The following ANKRD22 variants were observed in gnomAD, a reference collection of about 807,000 sequenced individuals.
ANKRD22 encodes the protein ankyrin repeat domain 22.
ANKRD22 carries 24 observed loss-of-function variants against 25.7 expected under a neutral mutation model. That is an observed-to-expected ratio of 0.93 (90% CI 0.68 to 1.31). The LOEUF (loss-of-function observed/expected upper bound fraction) is 1.31. Ranked by LOEUF, ANKRD22 falls within the 50% of genes most tolerant of loss-of-function variation. The pLI, the probability that ANKRD22 is intolerant of heterozygous loss-of-function variation, is 0.00. For missense variants in ANKRD22, 214 were observed against 227.1 expected, an observed-to-expected ratio of 0.94 and a Z score of 0.37; for synonymous variants, 84 against 84.3, an observed-to-expected ratio of 1.00 and a Z score of 0.02.
Position 88,851,691 on chromosome 10 carries a change from G to A in ANKRD22, c.-84C>T, listed in dbSNP as rs998736622. 6 of 1,546,800 alleles carry A rather than the reference G, an allele frequency of 3.9e-6. No individual in the cohort carries two copies. The African/African-American group carries it at 6.8e-5, about 18-fold the overall frequency. On this transcript the variant is annotated 5_prime_UTR_variant, in exon 1 of 6. Transcript: ENST00000371930. ...TCTGATGAATATCAAAATCCTTCCT[G>A]GCTGAGAGGAAAGTCCCTAGAAGTC...
intron 4 of ANKRD22, 107 bp downstream of exon 4, chr10:88,825,931 A>C: frequency 1.1e-6 from 1 of 941,782 alleles, no homozygotes; most frequent in Non-Finnish European, 1.6e-6. Flanking sequence ...AAGAAAACTA[A>C]ATGTAAAATT....
Position 88,849,432 on chromosome 10 carries a change from C to A in ANKRD22, c.21+2155G>T, listed in dbSNP as rs540444508. Among the ~76,000 whole-genome samples, 14 of 152,186 alleles carry A rather than the reference C, an allele frequency of 9.2e-5. No homozygotes were observed. The South Asian group carries it at 2.9e-3, about 32-fold the overall frequency. On this transcript the variant is annotated intron_variant, in intron 1 of 5. Coordinates refer to ENST00000371930, the MANE Select transcript of ANKRD22 (RefSeq NM_144590.3). ...GAGCATGACATATCTGTTGAAATAACAAGTAGTAGAAAAATTTAGTAGTTC... is the reference window on the plus strand; with the variant it reads ...GAGCATGACATATCTGTTGAAATAAAAAGTAGTAGAAAAATTTAGTAGTTC...
intron 3 of ANKRD22, 33 bp downstream of exon 3, chr10:88,828,526 A>G (rs1382352167): frequency 4.8e-6 from 7 of 1,473,148 alleles, no homozygotes; most frequent in Non-Finnish European, 6.6e-6. Context: ...CGATCTCCAC[A>G]TTTGCCCTTT....
At chr10:88,847,002 G>C (rs772427749) in intron 1 of ANKRD22, among the ~76,000 whole-genome samples, 8 of 152,014 alleles carry the variant, frequency 5.3e-5, no homozygotes, top group Admixed American at 5.3e-4. Context: ...AAAGAACTAC[G>C]CATATTCGCA....
At chr10:88,841,891 C>G (rs989831198) in intron 1 of ANKRD22, among the ~76,000 whole-genome samples, 8 of 152,112 alleles carry the variant, frequency 5.3e-5, no homozygotes, top group Non-Finnish European at 5.9e-5. Context: ...CTTGCATTCC[C>G]TCCAAAAAGC....
At chr10:88,823,479 C>T in intron 4 of ANKRD22, 101 bp from the exon 5 acceptor site, 1 of 858,138 alleles carries the variant, frequency 1.2e-6, no homozygotes, top group Non-Finnish European at 1.9e-6. Context: ...TTGTAGTATA[C>T]AACTAAGCAG....
intron 1 of ANKRD22, among the ~76,000 whole-genome samples, chr10:88,838,893 C>A (rs59486418): frequency 0.032 from 4,856 of 152,070 alleles, 265 homozygotes; most frequent in African/African-American, 0.11. Flanking sequence ...GACTAGTAGG[C>A]GAGGAGGAGA....
intron 2 of ANKRD22, among the ~76,000 whole-genome samples, chr10:88,830,523 A>G (rs1843893897): frequency 6.6e-6 from 1 of 152,262 alleles, no homozygotes; most frequent in South Asian, 2.1e-4. Context: ...ATTAATGTAC[A>G]AATATTAATA....
In ANKRD22 at chr10:88,828,237, GA is replaced by G. The variant is rs558794249; in HGVS notation, c.321+321del. The stretch of plus-strand genomic sequence containing the variant: ...ACAAACTCCTCTTTTAAAAAAAGGA[GA>G]AAAAAATATTAGAAGGGGTGTTTTT... On this transcript the variant is annotated intron_variant, in intron 3 of 5. Transcript: ENST00000371930. Among the ~76,000 whole-genome samples the G allele has an allele frequency of 6.1e-3, 922 of 152,096 alleles. 7 individuals are homozygous for G. The highest frequency in any genetic ancestry group is 0.021 in the African/African-American group (860 of 41,530).
At chr10:88,845,459 C>T (rs1417639058) in intron 1 of ANKRD22, among the ~76,000 whole-genome samples, 2 of 152,080 alleles carry the variant, frequency 1.3e-5, no homozygotes, top group African/African-American at 4.8e-5. Flanking sequence ...TTCCTGTATT[C>T]ATCTTCCATC....
intron 4 of ANKRD22, 152 bp downstream of exon 4, chr10:88,825,886 G>T (rs113497147): frequency 4.9e-6 from 3 of 611,142 alleles, no homozygotes; most frequent in Non-Finnish European, 8.3e-6. Flanking sequence ...TAACCTCAAG[G>T]TTGCCTGTCA....
In ANKRD22 at chr10:88,851,626, T is replaced by TACTTCACC. The variant is rs771970849; in HGVS notation, c.-27_-20dup. 2 of 1,613,194 alleles carry TACTTCACC rather than the reference T, an allele frequency of 1.2e-6. No individual in the cohort carries two copies. Among genetic ancestry groups the TACTTCACC allele is most frequent in the African/African-American group, 2.7e-5 (2 of 75,008 alleles). On this transcript the variant is annotated 5_prime_UTR_variant, in exon 1 of 6. Coordinates refer to ENST00000371930, the MANE Select transcript of ANKRD22 (RefSeq NM_144590.3). ...TTCCCATGCTGGTCCTTCACAGGCTTACTTCACCTCTACAGCTCCTTGAAT... is the reference window on the plus strand; with the variant it reads ...TTCCCATGCTGGTCCTTCACAGGCTTACTTCACCACTTCACCTCTACAGCTCCTTGAAT...
In ANKRD22 at chr10:88,820,684, A is replaced by G. The variant is rs1843783039; in HGVS notation, c.*2257T>C. ...ATTAAAGTACTTATTAGGTAAATAG[A>G]GGTTTTGTATGCTATTATATATTCT... On this transcript the variant is annotated 3_prime_UTR_variant, in exon 6 of 6. Coordinates refer to ENST00000371930, the MANE Select transcript of ANKRD22 (RefSeq NM_144590.3). 1.6e-6 allele frequency: 1 copy of G among 625,998 alleles called. No homozygotes were observed. The highest frequency in any genetic ancestry group is 2.8e-5 in the East Asian group (1 of 36,002). 38.8% of individuals were successfully genotyped at this position (625,998 alleles called of 1,614,324 possible).
intron 1 of ANKRD22, among the ~76,000 whole-genome samples, chr10:88,845,560 C>G (rs924834087): frequency 3.9e-5 from 6 of 152,098 alleles, no homozygotes; most frequent in Non-Finnish European, 7.4e-5. Flanking sequence ...TCTGAGTGTT[C>G]CCATCTCATC....
chr10:88,851,468 TCC>T, intron 1 of ANKRD22, 117 bp downstream of exon 1: 1 of 1,053,822 alleles, frequency 9.5e-7, no homozygotes, highest in South Asian at 1.3e-5. Context: ...GACTTAATGC[TCC>T]CCCAGGGAGT....
At position 88,832,011 on chromosome 10, in the gene ANKRD22, C is replaced by T. The variant is rs1431253469; in HGVS notation, c.37G>A (p.Ala13Thr). 1 of 1,608,662 alleles carries T rather than the reference C, an allele frequency of 6.2e-7. No homozygotes were observed. Residue 13 changes from alanine to threonine, a missense_variant, in exon 2 of 6, where the codon GCC becomes ACC. Physicochemically the swap from Ala to Thr is moderately conservative, Grantham distance 58. Coordinates refer to ENST00000371930, the MANE Select transcript of ANKRD22 (RefSeq NM_144590.3). ...ACTTGTCCAAAGTCATTCTGATAGGCTGCTTGGCAGATGGGCTGGGTCGGG... is the reference window on the plus strand; with the variant it reads ...ACTTGTCCAAAGTCATTCTGATAGGTTGCTTGGCAGATGGGCTGGGTCGGG... ...ILYSEPICQAAYQNDFGQVWR... is the reference protein window; with the variant it reads ...ILYSEPICQATYQNDFGQVWR...
At position 88,823,294 on chromosome 10, in the gene ANKRD22, T is replaced by C; in HGVS notation, c.484A>G (p.Thr162Ala). The change falls in exon 5 of 6, where the codon ACA becomes GCA. Residue 162 changes from threonine to alanine, a missense_variant. By Grantham distance (58) the Thr-to-Ala change is moderately conservative. Coordinates refer to ENST00000371930, the MANE Select transcript of ANKRD22 (RefSeq NM_144590.3). Reference sequence around the variant, plus strand: ...CCCTCCCTTACCTTATTCTTTATTGTGGGGTCTGCACGGGCTTCCAAGAGC... The same window carrying C: ...CCCTCCCTTACCTTATTCTTTATTGCGGGGTCTGCACGGGCTTCCAAGAGC... Reference protein sequence around the residue: ...PLLLEARADPTIKNKHGESSL... With the variant: ...PLLLEARADPAIKNKHGESSL... The C allele has an allele frequency of 6.2e-7, 1 of 1,612,872 alleles. No individual in the cohort carries two copies.
chr10:88,823,846 A>AAAAAAAAAAAAAAAAAC (rs1843827324), intron 4 of ANKRD22, among the ~76,000 whole-genome samples: 1 of 149,574 alleles, frequency 6.7e-6, no homozygotes, highest in African/African-American at 2.5e-5. Flanking sequence ...AAAAAAAAAA[A>AAAAAAAAAAAAAAAAAC]TTTCTTCTCT....
rs78018915 is a variant in ANKRD22, at chr10:88,829,519, T to A, written c.214-853A>T. On this transcript the variant is annotated intron_variant, in intron 2 of 5. Transcript: ENST00000371930. ...TCCAGAGTTAACTGTTGACATTTTGTTGTATTTTCTTCCAGTCTTCTTAAA... is the reference window on the plus strand; with the variant it reads ...TCCAGAGTTAACTGTTGACATTTTGATGTATTTTCTTCCAGTCTTCTTAAA... Among the ~76,000 whole-genome samples the A allele has an allele frequency of 1.5e-3, 234 of 152,372 alleles. 5 individuals carry two copies. The East Asian group carries it at 0.039, about 25-fold the overall frequency.
Sources: gnomAD v4.1 joint callset for allele counts (sites outside exome capture counted in the v4.1 genomes callset) on GRCh38, gnomAD v4.1.1 for gene constraint, MANE v1.5 for transcripts, NCBI Gene and HGNC (gene_info 2026-07-23, HGNC 2026-07-21) for gene names.